The following RUNX3 variants were observed in gnomAD, a reference collection of about 807,000 sequenced individuals.
RUNX3 encodes runt-related transcription factor 3.
In RUNX3, 10 loss-of-function variants were observed where a neutral mutation model predicts 27.7. That is an observed-to-expected ratio of 0.36 (90% CI 0.22 to 0.61). RUNX3 has a LOEUF of 0.61. Among genes scored for constraint, RUNX3 ranks in the 20% least tolerant of loss-of-function variants. The probability of loss-of-function intolerance (pLI) is 0.72; values close to 1 mark genes in which losing one functional copy is unlikely to be tolerated. For missense variants in RUNX3, 469 were observed against 629.5 expected (o/e 0.75, Z 2.73); for synonymous variants, 270 against 269.2 (o/e 1.00, Z -0.03).
Position 24,916,188 on chromosome 1 carries a change from G to A in RUNX3, c.544+3052C>T, listed in dbSNP as rs1361450302. On this transcript the variant is annotated intron_variant, in intron 3 of 4. Coordinates refer to ENST00000308873, the MANE Select transcript of RUNX3 (RefSeq NM_004350.3). The surrounding 1 kb of genome is among the most constrained non-coding windows in gnomAD (Gnocchi z 4.8). ...TCAGAGGGTCGGAGGTGGCAAAACA[G>A]GAAAAAAGCCGGGAAAGGAAGTCCA... Among the ~76,000 whole-genome samples, 7 of 152,184 alleles carry A rather than the reference G, an allele frequency of 4.6e-5. No individual in the cohort carries two copies. Among genetic ancestry groups the A allele is most frequent in the Admixed American group, 4.6e-4 (7 of 15,286 alleles).
chr1:24,935,563 G>A (rs1021034980), intron 2 of RUNX3, among the ~76,000 whole-genome samples: 1 of 152,224 alleles, frequency 6.6e-6, no homozygotes, highest in East Asian at 1.9e-4. Flanking sequence ...CGGGAGCGCA[G>A]AGCAGAAAAA....
At chr1:24,939,855 G>A (rs537909391) in intron 2 of RUNX3, among the ~76,000 whole-genome samples, 4 of 152,238 alleles carry the variant, frequency 2.6e-5, no homozygotes, top group Non-Finnish European at 5.9e-5. Context: ...ATGGGTGGAA[G>A]GGCAGGGCAC....
chr1:24,951,827 G>T (rs999222242), intron 2 of RUNX3, among the ~76,000 whole-genome samples: 2 of 152,180 alleles, frequency 1.3e-5, no homozygotes, highest in African/African-American at 2.4e-5. Flanking sequence ...TGTAAAATAG[G>T]CCTCATAAGA....
chr1:24,956,833 G>A lies in RUNX3; in HGVS notation c.58+7681C>T, dbSNP rs1404099779. On this transcript the variant is annotated intron_variant, in intron 2 of 6. Transcript: ENST00000338888. ...CTCCCCACCCCTTTCCACTCCATCC[G>A]CCTTTCCCTTTGCGTTCTCCAAGCG... is the stretch of plus-strand genomic sequence containing the variant. 2.6e-5 allele frequency among the ~76,000 whole-genome samples: 4 copies of A among 152,256 alleles called. No individual in the cohort carries two copies. The East Asian group carries it at 5.8e-4, about 22-fold the overall frequency.
At chr1:24,964,893 G>T (rs548472105) in exon 1 of RUNX3, 4 of 451,806 alleles carry the variant, frequency 8.9e-6, no homozygotes, top group Non-Finnish European at 1.6e-5. Context: ...CTCAACAGAA[G>T]CGTATGCAGA....
chr1:24,901,040 T>TG lies in RUNX3; in HGVS notation c.*1081_*1082insC, dbSNP rs2124231310. 6.9e-6 allele frequency: 1 copy of TG among 144,568 alleles called. No homozygotes were observed. Among genetic ancestry groups the TG allele is most frequent in the African/African-American group, 2.8e-5 (1 of 36,118 alleles). 9.0% of individuals were successfully genotyped at this position (144,568 alleles called of 1,614,324 possible). Reference sequence around the variant, plus strand: ...TTGTTTTTTTTTTGTTTTTTTGTTTTTTTTTTTTTTTTGCTCAGGACTATT... The same window carrying TG: ...TTGTTTTTTTTTTGTTTTTTTGTTTTGTTTTTTTTTTTTGCTCAGGACTATT... On this transcript the variant is annotated 3_prime_UTR_variant, in exon 5 of 5. Transcript: ENST00000308873.
In RUNX3 at chr1:24,962,612, G is replaced by A. The variant is rs1177363251; in HGVS notation, c.58+1902C>T. Reference sequence around the variant, plus strand: ...GAGACAGGTCTCCACAAAAGTGGAGGGAAGGCCCTCGGGCCACAGACCCCA... The same window carrying A: ...GAGACAGGTCTCCACAAAAGTGGAGAGAAGGCCCTCGGGCCACAGACCCCA... On this transcript the variant is annotated intron_variant, in intron 2 of 6. Coordinates refer to the RUNX3 transcript ENST00000338888. This position sits in a 1 kb window ranked among gnomAD's most constrained non-coding sequence, Gnocchi z 4.5. Among the ~76,000 whole-genome samples the A allele has an allele frequency of 6.6e-6, 1 of 152,246 alleles. No homozygotes were observed. Among genetic ancestry groups the A allele is most frequent in the East Asian group, 1.9e-4 (1 of 5,198 alleles).
chr1:24,913,500 G>T (rs535700261), intron 3 of RUNX3, among the ~76,000 whole-genome samples: 1 of 152,264 alleles, frequency 6.6e-6, no homozygotes, highest in Non-Finnish European at 1.5e-5. Context: ...CAGCCCACCA[G>T]GCCTTGGCCT....
At position 24,919,985 on chromosome 1, in the gene RUNX3, GCCT is replaced by G. The variant is rs376793466; in HGVS notation, c.440-644_440-642del. On this transcript the variant is annotated intron_variant, in intron 2 of 4. Transcript: ENST00000308873. ...CTGCAAAATATTTCAACTCAAGGAA[GCCT>G]CCTCATCTTTTATTTATCTACCTCC... is the stretch of plus-strand genomic sequence containing the variant. 3.0e-3 allele frequency among the ~76,000 whole-genome samples: 448 copies of G among 151,762 alleles called. 11 individuals carry two copies. In the South Asian group the frequency reaches 0.048, roughly 16 times the overall value.
Position 24,964,466 on chromosome 1 carries a change from G to A in RUNX3, c.58+48C>T, listed in dbSNP as rs548250481. 55 of 1,506,702 alleles carry A rather than the reference G, an allele frequency of 3.7e-5. No homozygotes were observed. The Middle Eastern group carries it at 1.6e-3, about 43-fold the overall frequency. The allele number at this position is 1,506,702 out of a possible 1,614,324, so 93.3% of individuals were successfully genotyped here. ...CGGTCAGTGGAGGGACGTGGTCCGG[G>A]GCCTGGCCACAGCTCCCCACCCAGG... On this transcript the variant is annotated intron_variant, in intron 2 of 6. Coordinates refer to the RUNX3 transcript ENST00000338888.
chr1:24,964,687 G>GC, intron 1 of RUNX3: 1 of 1,513,258 alleles, frequency 6.6e-7, no homozygotes, highest in Non-Finnish European at 8.9e-7. Context: ...AATAAAAGGG[G>GC]GGGGTGTTGC....
chr1:24,923,264 AG>A lies in RUNX3; in HGVS notation c.440-3921del, dbSNP rs1301148599. On this transcript the variant is annotated intron_variant, in intron 2 of 4. Transcript: ENST00000308873. The surrounding 1 kb of genome is among the most constrained non-coding windows in gnomAD (Gnocchi z 5.9). ...GGGCCTAAGAGGAGGAGTGAGAGGG[AG>A]GGGCAGGAGTCCTGGACCTCGGGAG... 6.6e-6 allele frequency among the ~76,000 whole-genome samples: 1 copy of A among 152,044 alleles called. No homozygotes were observed. Among genetic ancestry groups the A allele is most frequent in the African/African-American group, 2.4e-5 (1 of 41,388 alleles).
chr1:24,915,717 C>T (rs984417511), intron 3 of RUNX3, among the ~76,000 whole-genome samples: 5 of 151,990 alleles, frequency 3.3e-5, no homozygotes, highest in Non-Finnish European at 5.9e-5. Flanking sequence ...CAGGAGTGTC[C>T]CTGGCAAGTT....
chr1:24,922,606 C>G (rs1321237533), intron 2 of RUNX3, among the ~76,000 whole-genome samples: 1 of 152,090 alleles, frequency 6.6e-6, no homozygotes, highest in East Asian at 1.9e-4. Flanking sequence ...AATGCTAGAT[C>G]TTATTTAATA....
chr1:24,901,698 G>A lies in RUNX3; in HGVS notation c.*424C>T, dbSNP rs1435810418. On this transcript the variant is annotated 3_prime_UTR_variant, in exon 5 of 5. Transcript: ENST00000308873. Reference sequence around the variant, plus strand: ...CAGGGGCTCCAACGAAGGTGCAGGGGTCGGGAGGTTTCCCAGGGCCTGAGG... The same window carrying A: ...CAGGGGCTCCAACGAAGGTGCAGGGATCGGGAGGTTTCCCAGGGCCTGAGG... 5.7e-6 allele frequency: 1 copy of A among 173,914 alleles called. No homozygotes were observed. Among genetic ancestry groups the A allele is most frequent in the Non-Finnish European group, 1.2e-5 (1 of 82,300 alleles). 10.8% of individuals were successfully genotyped at this position (173,914 alleles called of 1,614,324 possible).
At chr1:24,938,161 C>A (rs762700707) in intron 2 of RUNX3, among the ~76,000 whole-genome samples, 15 of 152,208 alleles carry the variant, frequency 9.9e-5, no homozygotes, top group Non-Finnish European at 1.9e-4. Flanking sequence ...ACTGCTAGAT[C>A]CAGGGCAGCC....
intron 3 of RUNX3, among the ~76,000 whole-genome samples, chr1:24,907,648 C>CAAACCTCTACAACACGTGGTGATCT (rs1557836824): frequency 3.3e-5 from 5 of 150,186 alleles, no homozygotes; most frequent in African/African-American, 9.8e-5. Context: ...CACGGTGATC[C>CAAACCTCTACAACACGTGGTGATCT]AAACCTCTAC....
rs905484175 is a variant in RUNX3 at position 24,943,051 on chromosome 1, C to T, written c.59-13199G>A. On this transcript the variant is annotated intron_variant, in intron 2 of 6. Transcript: ENST00000338888. The surrounding 1 kb of genome is among the most constrained non-coding windows in gnomAD (Gnocchi z 4.6). ...GGTCCGGAGCGGAAGGCGCCCAGCC[C>T]TGATTGGAACAAGGTGGCAGCACCG... is the stretch of plus-strand genomic sequence containing the variant. 2.6e-5 allele frequency among the ~76,000 whole-genome samples: 4 copies of T among 152,242 alleles called. No individual in the cohort carries two copies. Among genetic ancestry groups the T allele is most frequent in the Non-Finnish European group, 4.4e-5 (3 of 68,040 alleles).
At position 24,902,968 on chromosome 1, in the gene RUNX3, C is replaced by T. The variant is rs944514569; in HGVS notation, c.704-302G>A. 5.9e-5 allele frequency among the ~76,000 whole-genome samples: 9 copies of T among 152,292 alleles called. No individual in the cohort carries two copies. The highest frequency in any genetic ancestry group is 3.4e-3 in the Middle Eastern group (1 of 294). On this transcript the variant is annotated intron_variant, in intron 4 of 4. Transcript: ENST00000308873. The surrounding 1 kb of genome is among the most constrained non-coding windows in gnomAD (Gnocchi z 9.2). ...CTTTTTAAATCCTCCTTCCCAGCCT[C>T]GCAGAGGAGAGGCCTAGGATGCGGT...
Sources: allele counts gnomAD v4.1 joint callset (sites outside exome capture counted in the v4.1 genomes callset), GRCh38; gene constraint gnomAD v4.1.1; non-coding constraint Gnocchi (gnomAD v3.1); transcripts MANE v1.5; gene names NCBI Gene and HGNC (gene_info 2026-07-23, HGNC 2026-07-21).